Variants in RAP1B observed in about 807,000 individuals in gnomAD.
RAP1B encodes the protein RAP1B, member of RAS oncogene family, also known as ras-related protein Rap-1b.
A neutral mutation model predicts 27.5 loss-of-function variants in RAP1B; 1 was observed. The ratio of observed to expected loss-of-function variants is 0.04; its 90% CI spans 0.01 to 0.17. The LOEUF (loss-of-function observed/expected upper bound fraction) is 0.17, where lower values mean the gene tolerates loss of function less well. Among genes scored for constraint, RAP1B ranks in the 10% least tolerant of loss-of-function variants. The pLI is 1.00. For missense variants in RAP1B, 84 were observed against 214.8 expected (o/e 0.39, Z 3.81); for synonymous variants, 75 against 73.1 (o/e 1.03, Z -0.13).
chr12:68,654,351 T>A (rs895107269), intron 5 of RAP1B, 99 bp downstream of exon 5: 17 of 165,636 alleles, frequency 1.0e-4, no homozygotes, highest in Non-Finnish European at 1.7e-4. Context: ...GTATTTTGGT[T>A]GGGGGGGGGG....
At chr12:68,656,541 CAG>C (rs763000018) in intron 6 of RAP1B, 92 bp downstream of exon 6, 3 of 1,292,476 alleles carry the variant, frequency 2.3e-6, no homozygotes, top group South Asian at 2.4e-5. Context: ...AATATGTACT[CAG>C]GGTAATATGT....
At chr12:68,626,887 G>T in intron 1 of RAP1B, 2 of 1,577,052 alleles carry the variant, frequency 1.3e-6, no homozygotes, top group South Asian at 1.1e-5. Context: ...TGCAGGGCCC[G>T]CCACTTGTCC....
intron 1 of RAP1B, among the ~76,000 whole-genome samples, chr12:68,632,122 T>G (rs978683345): frequency 6.7e-6 from 1 of 148,930 alleles, no homozygotes; most frequent in Non-Finnish European, 1.5e-5. Context: ...TTTTGGGTTT[T>G]GGATTTGTTT....
chr12:68,642,575 T>C lies in RAP1B; in HGVS notation c.-26-6124T>C. On this transcript the variant is annotated intron_variant, in intron 1 of 7. Transcript: ENST00000250559. The stretch of plus-strand genomic sequence containing the variant: ...ATACTTTTTCTCGTCTAATTTGGTT[T>C]CTGGGAAAGCTTCGTTCAAGTCCTC... The C allele has an allele frequency of 2.8e-6, 3 of 1,079,814 alleles. No homozygotes were observed. In the Admixed American group the frequency reaches 5.1e-5, roughly 18 times the overall value. 66.9% of individuals were successfully genotyped at this position (1,079,814 alleles called of 1,614,324 possible).
intron 1 of RAP1B, among the ~76,000 whole-genome samples, chr12:68,612,093 CACATTTT>C (rs1341089042): frequency 2.0e-5 from 3 of 152,136 alleles, no homozygotes; most frequent in Non-Finnish European, 4.4e-5. Context: ...AAGGGGAAAT[CACATTTT>C]TACGGGGTAG....
intron 1 of RAP1B, among the ~76,000 whole-genome samples, chr12:68,625,596 C>T (rs2135925582): frequency 6.6e-6 from 1 of 152,220 alleles, no homozygotes. Context: ...GATTACGAAC[C>T]CACAATCTAA....
At chr12:68,612,264 G>A (rs1309946661) in intron 1 of RAP1B, among the ~76,000 whole-genome samples, 1 of 151,902 alleles carries the variant, frequency 6.6e-6, no homozygotes, top group African/African-American at 2.4e-5. Context: ...CTCTTTTTTC[G>A]TAATTAGAAT....
At chr12:68,642,769 G>C (rs878986334) in intron 1 of RAP1B, 3 of 1,060,020 alleles carry the variant, frequency 2.8e-6, no homozygotes, top group Non-Finnish European at 4.4e-6. Context: ...GAACCTTCAG[G>C]GCATTAAACT....
chr12:68,646,439 G>A (rs1306204995), intron 1 of RAP1B, among the ~76,000 whole-genome samples: 1 of 152,002 alleles, frequency 6.6e-6, no homozygotes, highest in African/African-American at 2.4e-5. Flanking sequence ...GGGATTACAT[G>A]TGCCCACCAC....
intron 1 of RAP1B, among the ~76,000 whole-genome samples, chr12:68,621,246 A>G (rs922022339): frequency 1.3e-5 from 2 of 150,596 alleles, no homozygotes; most frequent in South Asian, 2.1e-4. Context: ...AGTGCTCCCT[A>G]TATTAAATAA....
rs915365630 is a variant in RAP1B, at chr12:68,664,716, AAG to A, written c.*5469_*5470del. 15 of 152,130 alleles carry A rather than the reference AAG, an allele frequency of 9.9e-5. No individual in the cohort carries two copies. Among genetic ancestry groups the A allele is most frequent in the African/African-American group, 3.6e-4 (15 of 41,388 alleles). 9.4% of individuals were successfully genotyped at this position (152,130 alleles called of 1,614,324 possible). A position where few individuals can be genotyped will look rare whatever the true frequency, so the allele number is the denominator to read the frequency against. On this transcript the variant is annotated 3_prime_UTR_variant, in exon 8 of 8. Coordinates refer to ENST00000250559, the MANE Select transcript of RAP1B (RefSeq NM_001010942.3). ...AGAGTGAGACTGCAAAAAAAAGAAA[AAG>A]AAAAAAAAATCCAGTCTCTGCTGGC...
In RAP1B at chr12:68,665,272, A is replaced by G. The variant is rs1355928922; in HGVS notation, c.*6023A>G. On this transcript the variant is annotated 3_prime_UTR_variant, in exon 8 of 8. Coordinates refer to ENST00000250559, the MANE Select transcript of RAP1B (RefSeq NM_001010942.3). ...GCAACAGATTTGCCAGCTGTGTGAAAGATAACCCAGAGAGGGGTAATGGTA... is the reference window on the plus strand; with the variant it reads ...GCAACAGATTTGCCAGCTGTGTGAAGGATAACCCAGAGAGGGGTAATGGTA... 1.3e-5 allele frequency: 2 copies of G among 152,286 alleles called. No individual in the cohort carries two copies. The highest frequency in any genetic ancestry group is 4.8e-5 in the African/African-American group (2 of 41,466). The allele number at this position is 152,286 out of a possible 1,614,324, so 9.4% of individuals were successfully genotyped here.
chr12:68,638,570 C>G (rs1403274308), intron 1 of RAP1B, among the ~76,000 whole-genome samples: 1 of 152,082 alleles, frequency 6.6e-6, no homozygotes, highest in Non-Finnish European at 1.5e-5. Flanking sequence ...TAATATCAAA[C>G]AACCATTATG....
At chr12:68,655,060 C>T (rs1379644802) in intron 5 of RAP1B, among the ~76,000 whole-genome samples, 1 of 152,092 alleles carries the variant, frequency 6.6e-6, no homozygotes, top group African/African-American at 2.4e-5. Context: ...CCTCTAATCC[C>T]AGCACTTTGG....
chr12:68,663,511 G>C lies in RAP1B; in HGVS notation c.*4262G>C, dbSNP rs776478947. On this transcript the variant is annotated 3_prime_UTR_variant, in exon 8 of 8. Transcript: ENST00000250559. ...CCTGTTGAAACAAGACTACTAAACA[G>C]ATTAATCAACTAATTCCATAGGCTT... is the stretch of plus-strand genomic sequence containing the variant. The C allele has an allele frequency of 4.6e-5, 7 of 152,180 alleles. No individual in the cohort carries two copies. The highest frequency in any genetic ancestry group is 1.0e-4 in the Non-Finnish European group (7 of 68,026). 9.4% of individuals were successfully genotyped at this position (152,180 alleles called of 1,614,324 possible). A position where few individuals can be genotyped will look rare whatever the true frequency, so the allele number is the denominator to read the frequency against.
intron 4 of RAP1B, 90 bp downstream of exon 4, chr12:68,652,141 G>T: frequency 1.9e-6 from 2 of 1,055,158 alleles, no homozygotes; most frequent in South Asian, 3.2e-5. Flanking sequence ...TATTAGTTAA[G>T]CTTATTTAAA....
rs114051475 is a variant in RAP1B, at chr12:68,620,502, C to G, written c.-27+9459C>G. On this transcript the variant is annotated intron_variant, in intron 1 of 7. Coordinates refer to ENST00000250559, the MANE Select transcript of RAP1B (RefSeq NM_001010942.3). Reference sequence around the variant, plus strand: ...CCTCCCAAAGTGCTGGGTAGAGCCACTCTGTGGCCTTCTTTTTTATGTTAA... The same window carrying G: ...CCTCCCAAAGTGCTGGGTAGAGCCAGTCTGTGGCCTTCTTTTTTATGTTAA... Among the ~76,000 whole-genome samples the G allele has an allele frequency of 3.9e-3, 599 of 152,180 alleles. 3 individuals are homozygous for G. Among genetic ancestry groups the G allele is most frequent in the African/African-American group, 0.013 (557 of 41,516 alleles).
chr12:68,613,352 C>A (rs1022254920), intron 1 of RAP1B, among the ~76,000 whole-genome samples: 1 of 142,630 alleles, frequency 7.0e-6, no homozygotes, highest in East Asian at 2.1e-4. Flanking sequence ...GACTGCACTA[C>A]TGTACTGCAG....
intron 4 of RAP1B, among the ~76,000 whole-genome samples, chr12:68,653,556 T>C (rs552779465): frequency 1.3e-5 from 2 of 152,334 alleles, no homozygotes; most frequent in East Asian, 1.9e-4. Context: ...TTAGTAACTT[T>C]TGGGGACAGG....
Sources: gnomAD v4.1 joint callset for allele counts (sites outside exome capture counted in the v4.1 genomes callset) on GRCh38, gnomAD v4.1.1 for gene constraint, MANE v1.5 for transcripts, NCBI Gene and HGNC (gene_info 2026-07-23, HGNC 2026-07-21) for gene names.